The following HRH2 variants were observed in gnomAD, a reference collection of about 807,000 sequenced individuals.
The protein encoded by HRH2 is histamine receptor H2, also known as histamine H2 receptor.
A neutral mutation model predicts 20.1 loss-of-function variants in HRH2; 4 were observed. That is an observed-to-expected ratio of 0.20 (90% CI 0.10 to 0.45). The LOEUF (loss-of-function observed/expected upper bound fraction) is 0.45. Among genes scored for constraint, HRH2 ranks in the 20% least tolerant of loss-of-function variants. The pLI is 0.99. For missense variants in HRH2, 250 were observed against 461.6 expected, an observed-to-expected ratio of 0.54 and a Z score of 4.20; for synonymous variants, 197 against 200.7, an observed-to-expected ratio of 0.98 and a Z score of 0.16.
At chr5:175,668,039 A>G (rs1755360276) in intron 1 of HRH2, among the ~76,000 whole-genome samples, 1 of 152,174 alleles carries the variant, frequency 6.6e-6, no homozygotes. Context: ...GTCTCTTTGA[A>G]ACCTCAAAAA....
intron 1 of HRH2, among the ~76,000 whole-genome samples, chr5:175,659,718 C>T (rs142070883): frequency 6.6e-6 from 1 of 152,108 alleles, no homozygotes; most frequent in Non-Finnish European, 1.5e-5. Flanking sequence ...GTATAAGTTG[C>T]GGCATAGCAC....
chr5:175,690,931 G>A (rs920180209), intron 2 of HRH2, among the ~76,000 whole-genome samples: 3 of 152,152 alleles, frequency 2.0e-5, no homozygotes, highest in South Asian at 2.1e-4. Context: ...TTCTTCCTTC[G>A]TCCCTTTCTT....
intron 2 of HRH2, among the ~76,000 whole-genome samples, chr5:175,697,662 G>C (rs1756648252): frequency 6.6e-6 from 1 of 152,078 alleles, no homozygotes; most frequent in South Asian, 2.1e-4. Flanking sequence ...TAGTCCAGTC[G>C]TTGTTCAATT....
chr5:175,682,940 A>G lies in HRH2; in HGVS notation c.-294A>G, dbSNP rs2067473. 44 of 368,136 alleles carry G rather than the reference A, an allele frequency of 1.2e-4. No individual in the cohort carries two copies. The highest frequency in any genetic ancestry group is 1.8e-4 in the Non-Finnish European group (36 of 204,958). The allele number at this position is 368,136 out of a possible 1,614,324, so 22.8% of individuals were successfully genotyped here. A position where few individuals can be genotyped will look rare whatever the true frequency, so the allele number is the denominator to read the frequency against. On this transcript the variant is annotated 5_prime_UTR_variant, in exon 2 of 3. Coordinates refer to ENST00000636584, the MANE Select transcript of HRH2 (RefSeq NM_001367711.1). ...TAGCTCTTCAGGGGACCGTCTGAGG[A>G]CTGGAGTTTGATCCATGAACCTGGC...
Position 175,659,509 on chromosome 5 carries a change from G to A in HRH2, c.-526+1354G>A, listed in dbSNP as rs138812522. 5.0e-3 allele frequency among the ~76,000 whole-genome samples: 765 copies of A among 152,232 alleles called. 10 individuals are homozygous for A. The highest frequency in any genetic ancestry group is 0.017 in the African/African-American group (723 of 41,540). ...GTACTCGGTGCATTACAAGTACGGC[G>A]TTGGTTACAGTCACCACAGCACTCC... is the stretch of plus-strand genomic sequence containing the variant. On this transcript the variant is annotated intron_variant, in intron 1 of 2. Coordinates refer to ENST00000636584, the MANE Select transcript of HRH2 (RefSeq NM_001367711.1).
chr5:175,658,758 G>A (rs1053161837), intron 1 of HRH2, among the ~76,000 whole-genome samples: 1 of 152,154 alleles, frequency 6.6e-6, no homozygotes, highest in Non-Finnish European at 1.5e-5. Context: ...TCAGCGGGTG[G>A]GAGTCCTTGC....
In HRH2 at chr5:175,683,138, A is replaced by T; in HGVS notation, c.-96A>T. 4.3e-6 allele frequency: 4 copies of T among 930,512 alleles called. No individual in the cohort carries two copies. Among genetic ancestry groups the T allele is most frequent in the Non-Finnish European group, 6.2e-6 (4 of 645,092 alleles). The allele number at this position is 930,512 out of a possible 1,614,324, so 57.6% of individuals were successfully genotyped here. A position where few individuals can be genotyped will look rare whatever the true frequency, so the allele number is the denominator to read the frequency against. Reference sequence around the variant, plus strand: ...CTGGACACATTTTGGATCTGTTGGGAGCTTGGAGTCCAGTGGTTGGCATAG... The same window carrying T: ...CTGGACACATTTTGGATCTGTTGGGTGCTTGGAGTCCAGTGGTTGGCATAG... On this transcript the variant is annotated 5_prime_UTR_variant, in exon 2 of 3. Coordinates refer to ENST00000636584, the MANE Select transcript of HRH2 (RefSeq NM_001367711.1).
intron 2 of HRH2, among the ~76,000 whole-genome samples, chr5:175,691,828 C>A (rs549408816): frequency 1.5e-4 from 22 of 150,492 alleles, no homozygotes; most frequent in African/African-American, 5.1e-4. Context: ...GGTTGCAGTG[C>A]ACTCCAGCCT....
chr5:175,686,841 G>A lies in HRH2; in HGVS notation c.1076+2532G>A, dbSNP rs1174112999. ...AGAAGTCAAGTAAACTGCCCCAAGG[G>A]ATACAACCCAAAGTTGCGATCTGAG... On this transcript the variant is annotated intron_variant, in intron 2 of 2. Coordinates refer to ENST00000636584, the MANE Select transcript of HRH2 (RefSeq NM_001367711.1). The surrounding 1 kb of genome is among the most constrained non-coding windows in gnomAD (Gnocchi z 4.7). Among the ~76,000 whole-genome samples, 9 of 152,338 alleles carry A rather than the reference G, an allele frequency of 5.9e-5. No individual in the cohort carries two copies. In the East Asian group the frequency reaches 1.7e-3, roughly 29 times the overall value.
At chr5:175,662,406 A>G (rs559458088) in intron 1 of HRH2, among the ~76,000 whole-genome samples, 266 of 152,306 alleles carry the variant, frequency 1.7e-3, no homozygotes, top group Non-Finnish European at 3.0e-3. Flanking sequence ...TACACGGGAC[A>G]GCCCTCATAA....
chr5:175,678,855 A>G (rs553481225), intron 1 of HRH2, among the ~76,000 whole-genome samples: 5 of 152,340 alleles, frequency 3.3e-5, no homozygotes, highest in African/African-American at 1.2e-4. Context: ...TTAAACAGCA[A>G]AAGGTGTCTC....
At chr5:175,668,049 A>G (rs1014445017) in intron 1 of HRH2, among the ~76,000 whole-genome samples, 7 of 152,220 alleles carry the variant, frequency 4.6e-5, no homozygotes, top group Non-Finnish European at 1.0e-4. Flanking sequence ...AACCTCAAAA[A>G]CAAATGCATT....
At chr5:175,697,487 G>C (rs1756640322) in intron 2 of HRH2, among the ~76,000 whole-genome samples, 1 of 144,846 alleles carries the variant, frequency 6.9e-6, no homozygotes, top group Non-Finnish European at 1.5e-5. Context: ...AAAAGAGGAT[G>C]CCCATGAAAA....
chr5:175,701,740 G>A (rs1221596758), intron 2 of HRH2, among the ~76,000 whole-genome samples: 1 of 152,226 alleles, frequency 6.6e-6, no homozygotes, highest in Non-Finnish European at 1.5e-5. Flanking sequence ...AGTGGGGAAG[G>A]TCGAATTCTG....
At chr5:175,692,096 G>A (rs1756403338) in intron 2 of HRH2, among the ~76,000 whole-genome samples, 1 of 152,166 alleles carries the variant, frequency 6.6e-6, no homozygotes. Flanking sequence ...CCCGGCAAAA[G>A]GCAGGAGTTA....
At chr5:175,673,620 T>A (rs1002065212) in intron 1 of HRH2, among the ~76,000 whole-genome samples, 1 of 151,706 alleles carries the variant, frequency 6.6e-6, no homozygotes, top group Non-Finnish European at 1.5e-5. Flanking sequence ...TTGCACAACA[T>A]GGTGAAGGTA....
intron 2 of HRH2, among the ~76,000 whole-genome samples, chr5:175,699,852 C>T (rs1207183279): frequency 1.3e-5 from 2 of 152,300 alleles, no homozygotes; most frequent in East Asian, 1.9e-4. Context: ...GGATTAGAGG[C>T]GTGATCTACT....
rs1756465010 is a variant in HRH2, at chr5:175,693,819, G to C, written c.1076+9510G>C. On this transcript the variant is annotated intron_variant, in intron 2 of 2. Transcript: ENST00000636584. This position sits in a 1 kb window ranked among gnomAD's most constrained non-coding sequence, Gnocchi z 4.4. ...TTCTGCCCCGCTTTTGTTCCACCTG[G>C]TGTTCGTTCCTGAACAGGCTGCACA... is the stretch of plus-strand genomic sequence containing the variant. Among the ~76,000 whole-genome samples the C allele has an allele frequency of 1.3e-5, 2 of 152,078 alleles. No homozygotes were observed. The highest frequency in any genetic ancestry group is 1.3e-4 in the Admixed American group (2 of 15,264).
At chr5:175,673,616 A>G (rs1472497181) in intron 1 of HRH2, among the ~76,000 whole-genome samples, 1 of 152,162 alleles carries the variant, frequency 6.6e-6, no homozygotes, top group African/African-American at 2.4e-5. Flanking sequence ...GTGGTTGCAC[A>G]ACATGGTGAA....
Sources: gnomAD v4.1 joint callset for allele counts (sites outside exome capture counted in the v4.1 genomes callset) on GRCh38, gnomAD v4.1.1 for gene constraint, Gnocchi (gnomAD v3.1) non-coding constraint, MANE v1.5 for transcripts, NCBI Gene and HGNC (gene_info 2026-07-23, HGNC 2026-07-21) for gene names.